The following EXOC6B variants were observed in gnomAD, a reference collection of about 807,000 sequenced individuals.
The protein encoded by EXOC6B is SEC15 homolog B.
In EXOC6B, 54 loss-of-function variants were observed where a neutral mutation model predicts 113.5. The ratio of observed to expected loss-of-function variants is 0.48; its 90% confidence interval spans 0.38 to 0.60. The LOEUF is 0.60. Ranked by LOEUF, EXOC6B falls within the 20% of genes least tolerant of loss-of-function variation. The pLI, the probability that EXOC6B is intolerant of heterozygous loss-of-function variation, is 0.00. For synonymous variants in EXOC6B, 357 were observed against 339.0 expected (o/e 1.05, Z -0.58); for missense variants, 797 against 977.5 (o/e 0.82, Z 2.46).
Position 72,546,513 on chromosome 2 carries a change from T to C in EXOC6B, c.915+12940A>G, listed in dbSNP as rs116067339. 7.6e-3 allele frequency among the ~76,000 whole-genome samples: 1,157 copies of C among 152,324 alleles called. 11 individuals are homozygous for C. The highest frequency in any genetic ancestry group is 0.011 in the Non-Finnish European group (727 of 68,028). The stretch of plus-strand genomic sequence containing the variant: ...GCTGCTGATTCACTTCTTCTAATTA[T>C]AGCCAAGTCCTCAAAAAATATATTA... On this transcript the variant is annotated intron_variant, in intron 8 of 21. Coordinates refer to ENST00000272427, the MANE Select transcript of EXOC6B (RefSeq NM_015189.3).
intron 19 of EXOC6B, among the ~76,000 whole-genome samples, chr2:72,367,635 G>C (rs1690713855): frequency 6.6e-6 from 1 of 152,186 alleles, no homozygotes; most frequent in Non-Finnish European, 1.5e-5. Flanking sequence ...AAGAGACATT[G>C]AAGATGGGCA....
At chr2:72,343,385 C>T (rs1466738033) in intron 19 of EXOC6B, among the ~76,000 whole-genome samples, 1 of 152,140 alleles carries the variant, frequency 6.6e-6, no homozygotes, top group Non-Finnish European at 1.5e-5. Flanking sequence ...CAAGATCGTG[C>T]CACTGCACTC....
chr2:72,181,600 A>G (rs935744420), intron 21 of EXOC6B, among the ~76,000 whole-genome samples: 1 of 152,238 alleles, frequency 6.6e-6, no homozygotes, highest in Non-Finnish European at 1.5e-5. Flanking sequence ...TTAGTTTAAT[A>G]TCCTACATTA....
chr2:72,224,909 GATGTGTATAT>G (rs1218785411), intron 20 of EXOC6B, among the ~76,000 whole-genome samples: 1 of 145,554 alleles, frequency 6.9e-6, no homozygotes, highest in Non-Finnish European at 1.5e-5. Flanking sequence ...TATATATATA[GATGTGTATAT>G]ATGTGTATAT....
At chr2:72,823,486 C>A (rs61309400) in intron 1 of EXOC6B, among the ~76,000 whole-genome samples, 32,283 of 85,492 alleles carry the variant, frequency 0.38, 3,874 homozygotes, top group African/African-American at 0.49. Flanking sequence ...AAACAAAAAA[C>A]AAAAAAAAAG....
chr2:72,452,051 G>T (rs559406652), intron 18 of EXOC6B, among the ~76,000 whole-genome samples: 35 of 152,222 alleles, frequency 2.3e-4, no homozygotes, highest in African/African-American at 7.9e-4. Flanking sequence ...TCTTGTCAAA[G>T]AAGCAAAAAT....
At chr2:72,814,634 T>C (rs1686115643) in intron 1 of EXOC6B, among the ~76,000 whole-genome samples, 1 of 152,266 alleles carries the variant, frequency 6.6e-6, no homozygotes, top group Non-Finnish European at 1.5e-5. Flanking sequence ...TTATATTACA[T>C]GCTTAAATTT....
intron 17 of EXOC6B, among the ~76,000 whole-genome samples, chr2:72,472,950 A>G (rs1038621073): frequency 2.0e-5 from 3 of 152,134 alleles, no homozygotes; most frequent in Non-Finnish European, 4.4e-5. Flanking sequence ...GTTGTTCAGG[A>G]GCATGTTGTT....
intron 8 of EXOC6B, among the ~76,000 whole-genome samples, chr2:72,543,211 T>G (rs1313153747): frequency 6.6e-6 from 1 of 152,126 alleles, no homozygotes; most frequent in Non-Finnish European, 1.5e-5. Context: ...AGAGTTAGGC[T>G]AAGGACAGAA....
intron 18 of EXOC6B, among the ~76,000 whole-genome samples, chr2:72,380,212 C>A (rs887841727): frequency 6.6e-6 from 1 of 152,062 alleles, no homozygotes; most frequent in African/African-American, 2.4e-5. Flanking sequence ...TTGCAGAATA[C>A]AATATTCCAC....
intron 16 of EXOC6B, among the ~76,000 whole-genome samples, chr2:72,491,298 T>A (rs1212943488): frequency 2.6e-5 from 4 of 152,134 alleles, no homozygotes; most frequent in African/African-American, 7.2e-5. Context: ...ATTTTTTTTT[T>A]ATCTTAATTC....
In EXOC6B at chr2:72,499,913, A is replaced by G. The variant is rs1700234776; in HGVS notation, c.1227T>C (p.Ala409=). The G allele has an allele frequency of 2.6e-6, 4 of 1,552,606 alleles. No homozygotes were observed. The South Asian group carries it at 3.6e-5, about 14-fold the overall frequency. ...AGAAATCACATACCTGAAGTGTGTC[A>G]GCAAAAAGCACAATGAGGTTCTTCA... ...LDLKNLIVLF[A]DTLQVYGFPV... The change falls in exon 12 of 22, where the codon GCT becomes GCC. Residue 409 remains alanine, a synonymous_variant. Coordinates refer to ENST00000272427, the MANE Select transcript of EXOC6B (RefSeq NM_015189.3).
At chr2:72,618,136 A>AG (rs1243837444) in intron 6 of EXOC6B, among the ~76,000 whole-genome samples, 5 of 151,984 alleles carry the variant, frequency 3.3e-5, no homozygotes, top group Admixed American at 1.3e-4. Flanking sequence ...TGGGAGATAG[A>AG]GGGGGGTGGA....
At chr2:72,372,119 G>A (rs930829641) in intron 19 of EXOC6B, among the ~76,000 whole-genome samples, 1 of 151,982 alleles carries the variant, frequency 6.6e-6, no homozygotes, top group Non-Finnish European at 1.5e-5. Context: ...AGCCAAAGAA[G>A]TAAAGGATCT....
intron 6 of EXOC6B, among the ~76,000 whole-genome samples, chr2:72,643,226 C>T (rs1472160316): frequency 6.6e-6 from 1 of 151,898 alleles, no homozygotes; most frequent in Admixed American, 6.6e-5. Context: ...GGATCTAGAA[C>T]TGGAAATACC....
At chr2:72,266,592 C>T (rs1430263679) in intron 20 of EXOC6B, among the ~76,000 whole-genome samples, 1 of 152,024 alleles carries the variant, frequency 6.6e-6, no homozygotes, top group Non-Finnish European at 1.5e-5. Context: ...TCTGAGGGCT[C>T]TGTTCTGTTC....
At chr2:72,564,285 C>G (rs994327624) in intron 7 of EXOC6B, among the ~76,000 whole-genome samples, 2 of 152,194 alleles carry the variant, frequency 1.3e-5, no homozygotes, top group Non-Finnish European at 2.9e-5. Context: ...CACTCTCTCC[C>G]TCATACACCT....
intron 1 of EXOC6B, among the ~76,000 whole-genome samples, chr2:72,779,330 T>C (rs1282764279): frequency 1.3e-5 from 2 of 151,620 alleles, no homozygotes; most frequent in Non-Finnish European, 2.9e-5. Context: ...GTACATATTA[T>C]AACTTGCTGT....
chr2:72,566,534 G>A (rs1704188549), intron 7 of EXOC6B, among the ~76,000 whole-genome samples: 1 of 151,946 alleles, frequency 6.6e-6, no homozygotes, highest in South Asian at 2.1e-4. Context: ...CAATACCCAG[G>A]AGTGGGATTG....
Sources: gnomAD v4.1 joint callset for allele counts (sites outside exome capture counted in the v4.1 genomes callset) on GRCh38, gnomAD v4.1.1 for gene constraint, MANE v1.5 for transcripts, NCBI Gene and HGNC (gene_info 2026-07-23, HGNC 2026-07-21) for gene names.